The following EPHB2 variants were observed in gnomAD, a reference collection of about 807,000 sequenced individuals.
EPHB2 encodes EPH receptor B2.
In EPHB2, 18 loss-of-function variants were observed where a neutral mutation model predicts 96.4. That is an observed-to-expected ratio of 0.19 (90% CI 0.13 to 0.28). The LOEUF (loss-of-function observed/expected upper bound fraction) is 0.28, where lower values mean the gene tolerates loss of function less well. EPHB2 is among the 10% of genes least tolerant of loss of function. EPHB2 has a pLI of 1.00. For missense variants in EPHB2, 989 were observed against 1,355.4 expected (o/e 0.73, Z 4.25); for synonymous variants, 506 against 534.1 (o/e 0.95, Z 0.72).
chr1:22,720,651 A>C (rs1043258519), intron 1 of EPHB2, among the ~76,000 whole-genome samples: 5 of 127,618 alleles, frequency 3.9e-5, no homozygotes, highest in African/African-American at 1.4e-4. Context: ...AGGAAGCCAG[A>C]AATCTCATTC....
At position 22,864,861 on chromosome 1, in the gene EPHB2, C is replaced by T; in HGVS notation, c.968-16C>T. On this transcript the variant is annotated splice_polypyrimidine_tract_variant and intron_variant, in intron 4 of 15. Coordinates refer to ENST00000374630, the MANE Select transcript of EPHB2 (RefSeq NM_017449.5). ...CCCTGAGCCCCCCACTGACCAACAC[C>T]TCTCCCCCGCCCCAGCCATCCCCTC... is the stretch of plus-strand genomic sequence containing the variant. 6.3e-7 allele frequency: 1 copy of T among 1,584,904 alleles called. No individual in the cohort carries two copies. Among genetic ancestry groups the T allele is most frequent in the Non-Finnish European group, 8.6e-7 (1 of 1,161,504 alleles).
intron 1 of EPHB2, among the ~76,000 whole-genome samples, chr1:22,718,733 G>A (rs1325479735): frequency 6.6e-6 from 1 of 152,172 alleles, no homozygotes; most frequent in Admixed American, 6.5e-5. Context: ...CATTATGTGT[G>A]TTGCCTTGTG....
rs773180070 is a variant in EPHB2 at position 22,863,019 on chromosome 1, C to T, written c.812-18C>T. On this transcript the variant is annotated intron_variant, in intron 3 of 15. Transcript: ENST00000374630. ...CTTCATCCAGTTTCCTGGTGACTCTCCTTGTCTTCTCTCTCAGGTTGTCCA... is the reference window on the plus strand; with the variant it reads ...CTTCATCCAGTTTCCTGGTGACTCTTCTTGTCTTCTCTCTCAGGTTGTCCA... The T allele has an allele frequency of 1.2e-6, 2 of 1,614,158 alleles. No homozygotes were observed. The highest frequency in any genetic ancestry group is 3.3e-5 in the Admixed American group (2 of 60,022).
intron 3 of EPHB2, among the ~76,000 whole-genome samples, chr1:22,822,742 T>C (rs1433962547): frequency 6.6e-6 from 1 of 152,218 alleles, no homozygotes; most frequent in Non-Finnish European, 1.5e-5. Context: ...GGACCAACTC[T>C]CAGAGAGCCA....
chr1:22,833,103 G>A (rs1645330044), intron 3 of EPHB2, among the ~76,000 whole-genome samples: 1 of 150,820 alleles, frequency 6.6e-6, no homozygotes, highest in African/African-American at 2.4e-5. Flanking sequence ...TTTCATTTAA[G>A]GGATTTTTTT....
intron 5 of EPHB2, among the ~76,000 whole-genome samples, chr1:22,870,284 T>A (rs1638618071): frequency 6.6e-6 from 1 of 152,272 alleles, no homozygotes; most frequent in South Asian, 2.1e-4. Flanking sequence ...AGAGCACCTT[T>A]CTGCCTCATA....
rs879351483 is a variant in EPHB2 at position 22,797,827 on chromosome 1, G to A, written c.811+12751G>A. 2.6e-5 allele frequency among the ~76,000 whole-genome samples: 4 copies of A among 151,778 alleles called. No individual in the cohort carries two copies. In the East Asian group the frequency reaches 5.8e-4, roughly 22 times the overall value. On this transcript the variant is annotated intron_variant, in intron 3 of 15. Transcript: ENST00000374630. ...TCCTCCCGTTTCCTCCTTCCCTCCC[G>A]CTCTCTAGGCACTCTGACCTCCTTC...
At chr1:22,829,742 C>T (rs760505187) in intron 3 of EPHB2, among the ~76,000 whole-genome samples, 2 of 152,024 alleles carry the variant, frequency 1.3e-5, no homozygotes, top group African/African-American at 2.4e-5. Flanking sequence ...CAGGGCATCA[C>T]GGAGGGCTTC....
chr1:22,866,168 ATGGT>A (rs1258366026), intron 5 of EPHB2, among the ~76,000 whole-genome samples: 1 of 152,160 alleles, frequency 6.6e-6, no homozygotes, highest in Non-Finnish European at 1.5e-5. Flanking sequence ...AGAAGATCTC[ATGGT>A]TGGCACTGTG....
At chr1:22,903,991 A>C (rs1370985415) in intron 9 of EPHB2, among the ~76,000 whole-genome samples, 1 of 152,216 alleles carries the variant, frequency 6.6e-6, no homozygotes, top group African/African-American at 2.4e-5. Flanking sequence ...AAAATTATTA[A>C]AAGTCCAGAG....
In EPHB2 at chr1:22,905,995, G is replaced by A. The variant is rs772238884; in HGVS notation, c.1774G>A (p.Gly592Ser). ...CTGGTCTTGTCCCCCAGTGACCCCA[G>A]GCATGAAGATCTACATCGATCCTTT... ...QHYTSGHMTP[G>S]MKIYIDPFTY... Residue 592 changes from glycine (G) to serine (S), a missense_variant, in exon 10 of 16, where the codon GGC becomes AGC. Transcript: ENST00000374630. The A allele has an allele frequency of 8.7e-6, 14 of 1,614,054 alleles. No individual in the cohort carries two copies. The highest frequency in any genetic ancestry group is 1.1e-5 in the Non-Finnish European group (13 of 1,179,984).
At chr1:22,863,216 G>A (rs1638338596) in intron 4 of EPHB2, 24 bp downstream of exon 4, 7 of 1,613,984 alleles carry the variant, frequency 4.3e-6, no homozygotes, top group African/African-American at 1.3e-5. Context: ...CCCCTCAAGG[G>A]CGATGGCTGG....
chr1:22,815,537 A>G (rs778354383), intron 3 of EPHB2, among the ~76,000 whole-genome samples: 2 of 152,202 alleles, frequency 1.3e-5, no homozygotes, highest in Non-Finnish European at 2.9e-5. Context: ...TGTTGGGTGC[A>G]GCCAGCCCAC....
intron 9 of EPHB2, among the ~76,000 whole-genome samples, chr1:22,898,976 C>A (rs1639661671): frequency 6.6e-6 from 1 of 152,008 alleles, no homozygotes; most frequent in Non-Finnish European, 1.5e-5. Context: ...CTTTAGGAGG[C>A]CAAGGTCGGG....
intron 1 of EPHB2, among the ~76,000 whole-genome samples, chr1:22,711,793 A>G (rs1241116978): frequency 6.6e-6 from 1 of 151,952 alleles, no homozygotes; most frequent in African/African-American, 2.4e-5. Flanking sequence ...GGGCCGGACC[A>G]GATGCTCTTG....
At position 22,908,006 on chromosome 1, in the gene EPHB2, C is replaced by T. The variant is rs375588609; in HGVS notation, c.2190C>T (p.Ile730=). 3.7e-6 allele frequency: 6 copies of T among 1,614,136 alleles called. No individual in the cohort carries two copies. Among genetic ancestry groups the T allele is most frequent in the Non-Finnish European group, 5.1e-6 (6 of 1,180,058 alleles). The part of the protein sequence containing the change: ...VIQLVGMLRG[I]AAGMKYLADM... The stretch of plus-strand genomic sequence containing the variant: ...AGCTGGTGGGCATGCTTCGGGGCAT[C>T]GCAGCTGGCATGAAGTACCTGGCAG... Residue 730 remains isoleucine (I), a synonymous_variant, in exon 12 of 16, where the codon ATC becomes ATT. Transcript: ENST00000374630.
At chr1:22,910,895 T>G (rs1434498458) in intron 14 of EPHB2, among the ~76,000 whole-genome samples, 2 of 152,152 alleles carry the variant, frequency 1.3e-5, no homozygotes, top group East Asian at 3.8e-4. Context: ...CCCAGCACTT[T>G]GGGAGGCTGA....
intron 1 of EPHB2, among the ~76,000 whole-genome samples, chr1:22,778,796 G>A (rs1372593541): frequency 6.6e-6 from 1 of 152,188 alleles, no homozygotes; most frequent in African/African-American, 2.4e-5. Context: ...TAAGCTTCTT[G>A]GGAGCCCAGA....
intron 1 of EPHB2, among the ~76,000 whole-genome samples, chr1:22,721,459 T>C (rs1240388200): frequency 6.6e-6 from 1 of 152,158 alleles, no homozygotes; most frequent in East Asian, 1.9e-4. Flanking sequence ...GCGTTGTGAA[T>C]GAGTGAGGTG....
Sources: gnomAD v4.1 joint callset for allele counts (sites outside exome capture counted in the v4.1 genomes callset) on GRCh38, gnomAD v4.1.1 for gene constraint, MANE v1.5 for transcripts, NCBI Gene and HGNC (gene_info 2026-07-23, HGNC 2026-07-21) for gene names.